ENTREP2: variants seen among roughly 807,000 people sequenced by gnomAD.
ENTREP2 encodes protein ENTREP2.
At chr15:29,447,467 A>AT in the ENTREP2 span, among the ~76,000 whole-genome samples, 36 of 152,130 alleles carry the variant, frequency 2.4e-4, no homozygotes, top group South Asian at 7.5e-3. Flanking sequence ...AAAAGGTTGA[A>AT]TTTTTTTATT....
the ENTREP2 span, among the ~76,000 whole-genome samples, chr15:29,469,135 C>T: frequency 6.6e-6 from 1 of 152,158 alleles, no homozygotes; most frequent in Non-Finnish European, 1.5e-5. Flanking sequence ...GGACATGGTG[C>T]TGAGGGAAAT....
chr15:29,189,406 T>C, the ENTREP2 span, among the ~76,000 whole-genome samples: 9 of 146,312 alleles, frequency 6.2e-5, no homozygotes, highest in African/African-American at 2.3e-4. Flanking sequence ...CACTGGAGGC[T>C]GGAAATTGTC....
the ENTREP2 span, among the ~76,000 whole-genome samples, chr15:29,339,377 T>G: frequency 4.3e-3 from 647 of 152,232 alleles, 9 homozygotes; most frequent in African/African-American, 0.015. Flanking sequence ...ATGGAACAGG[T>G]AACCAGGTCT....
the ENTREP2 span, among the ~76,000 whole-genome samples, chr15:29,231,936 G>A: frequency 1.4e-5 from 2 of 139,822 alleles, no homozygotes; most frequent in African/African-American, 5.1e-5. Flanking sequence ...TGCTGCCCAG[G>A]CCGGAGTGAG....
the ENTREP2 span, among the ~76,000 whole-genome samples, chr15:29,214,395 T>C: frequency 6.6e-6 from 1 of 152,170 alleles, no homozygotes; most frequent in Non-Finnish European, 1.5e-5. Flanking sequence ...TGTAGGGACA[T>C]GGATGAAGCT....
chr15:29,194,789 C>T, the ENTREP2 span, among the ~76,000 whole-genome samples: 3 of 152,132 alleles, frequency 2.0e-5, no homozygotes, highest in Middle Eastern at 3.2e-3. Context: ...TCATGAAAAC[C>T]GGGTCCTGCA....
the ENTREP2 span, among the ~76,000 whole-genome samples, chr15:29,634,424 G>C: frequency 6.6e-6 from 1 of 152,074 alleles, no homozygotes; most frequent in Non-Finnish European, 1.5e-5. Flanking sequence ...ACTCCTGTTT[G>C]GGGCTGTAAA....
At chr15:29,137,166 T>C in the ENTREP2 span, 1 of 1,481,020 alleles carries the variant, frequency 6.8e-7, no homozygotes, top group Middle Eastern at 1.7e-4. Flanking sequence ...GCAGGTGGGG[T>C]TGGCAGGATG....
chr15:29,139,632 C>T, the ENTREP2 span, among the ~76,000 whole-genome samples: 6,849 of 152,298 alleles, frequency 0.045, 207 homozygotes, highest in Non-Finnish European at 0.065. Flanking sequence ...GGGACCCTCT[C>T]CGCAGGTGCA....
At chr15:29,546,421 A>G in the ENTREP2 span, among the ~76,000 whole-genome samples, 1 of 152,170 alleles carries the variant, frequency 6.6e-6, no homozygotes, top group Admixed American at 6.5e-5. Flanking sequence ...CCAACTTGGG[A>G]AGAAGATAGG....
At chr15:29,668,279 A>C in the ENTREP2 span, among the ~76,000 whole-genome samples, 1 of 152,162 alleles carries the variant, frequency 6.6e-6, no homozygotes, top group Admixed American at 6.5e-5. Flanking sequence ...CAACAGAAAT[A>C]ACCACCACCA....
At chr15:29,600,211 T>C in the ENTREP2 span, among the ~76,000 whole-genome samples, 1 of 152,184 alleles carries the variant, frequency 6.6e-6, no homozygotes, top group Non-Finnish European at 1.5e-5. Flanking sequence ...GGCACACACT[T>C]TGATATAAAA....
At chr15:29,606,635 C>G in the ENTREP2 span, among the ~76,000 whole-genome samples, 1 of 151,922 alleles carries the variant, frequency 6.6e-6, no homozygotes, top group South Asian at 2.1e-4. Flanking sequence ...AAGCATTTTT[C>G]TCAAAAAATC....
chr15:29,268,569 A>C, the ENTREP2 span: 1 of 461,974 alleles, frequency 2.2e-6, no homozygotes, highest in African/African-American at 2.0e-5. Flanking sequence ...TATACCAAAA[A>C]GAGTAAAATC....
chr15:29,600,489 CTCA>C, the ENTREP2 span, among the ~76,000 whole-genome samples: 1 of 140,524 alleles, frequency 7.1e-6, no homozygotes, highest in Non-Finnish European at 1.6e-5. Context: ...TCATCGTCAT[CTCA>C]TCATCATAGA....
the ENTREP2 span, among the ~76,000 whole-genome samples, chr15:29,583,653 T>C: frequency 6.6e-6 from 1 of 152,180 alleles, no homozygotes; most frequent in African/African-American, 2.4e-5. Context: ...AAACTAATAA[T>C]AATAATTTTT....
the ENTREP2 span, chr15:29,269,777 C>T: frequency 1.5e-6 from 2 of 1,352,852 alleles, no homozygotes; most frequent in South Asian, 1.7e-5. Context: ...GGTCGGCGAC[C>T]CGCTAACGCC....
the ENTREP2 span, among the ~76,000 whole-genome samples, chr15:29,568,710 CAA>C: frequency 6.5e-4 from 83 of 128,194 alleles, no homozygotes; most frequent in African/African-American, 2.5e-3. Flanking sequence ...CCTCTTAAGG[CAA>C]AAAAAAAAAA....
At chr15:29,356,294 ATATTTT>A in the ENTREP2 span, among the ~76,000 whole-genome samples, 2 of 48,642 alleles carry the variant, frequency 4.1e-5, no homozygotes, top group East Asian at 1.2e-3. Context: ...ATATATATAT[ATATTTT>A]TTTTTTTTTT....
Sources: allele counts gnomAD v4.1 joint callset (sites outside exome capture counted in the v4.1 genomes callset), GRCh38; gene constraint gnomAD v4.1.1; transcripts MANE v1.5; gene names NCBI Gene and HGNC (gene_info 2026-07-23, HGNC 2026-07-21).